CDH12: variants seen among roughly 807,000 people sequenced by gnomAD.
The protein encoded by CDH12 is cadherin 12.
CDH12 carries 41 observed loss-of-function variants against 74.1 expected under a neutral mutation model. That is an observed-to-expected ratio of 0.55 (90% CI 0.43 to 0.72). The LOEUF (loss-of-function observed/expected upper bound fraction) is 0.72, where lower values mean the gene tolerates loss of function less well. Ranked by LOEUF, CDH12 falls within the 30% of genes least tolerant of loss-of-function variation. The pLI is 0.00. For missense variants in CDH12, 945 were observed against 977.2 expected (o/e 0.97, Z 0.44); for synonymous variants, 399 against 355.0 (o/e 1.12, Z -1.39).
Position 22,438,164 on chromosome 5 carries a change from G to A in CDH12, c.-427-32813C>T, listed in dbSNP as rs1744482793. ...TTACTTCTCCCAGGAAGTGTTTCCA[G>A]AAACATGAGGCCTGGTTAAGTTCCC... is the stretch of plus-strand genomic sequence containing the variant. On this transcript the variant is annotated intron_variant, in intron 2 of 14. Coordinates refer to ENST00000382254, the MANE Select transcript of CDH12 (RefSeq NM_004061.5). Among the ~76,000 whole-genome samples, 3 of 151,988 alleles carry A rather than the reference G, an allele frequency of 2.0e-5. No homozygotes were observed. The South Asian group carries it at 6.2e-4, about 31-fold the overall frequency.
At chr5:22,459,131 T>A (rs932273040) in intron 2 of CDH12, among the ~76,000 whole-genome samples, 4 of 152,300 alleles carry the variant, frequency 2.6e-5, no homozygotes, top group African/African-American at 9.6e-5. Flanking sequence ...TACTCTGTTG[T>A]AATTGAAAAA....
intron 9 of CDH12, among the ~76,000 whole-genome samples, chr5:21,808,757 G>A (rs993467185): frequency 3.9e-5 from 6 of 152,018 alleles, no homozygotes; most frequent in Admixed American, 1.3e-4. Flanking sequence ...GGGAAGAGAC[G>A]TGGGAGAGTT....
chr5:22,101,633 G>C (rs1452819429), intron 4 of CDH12, among the ~76,000 whole-genome samples: 1 of 152,010 alleles, frequency 6.6e-6, no homozygotes, highest in African/African-American at 2.4e-5. Context: ...AAAATTAAAA[G>C]AAAACTCAAA....
At chr5:22,069,086 C>T (rs1741763034) in intron 5 of CDH12, among the ~76,000 whole-genome samples, 1 of 152,176 alleles carries the variant, frequency 6.6e-6, no homozygotes, top group Admixed American at 6.5e-5. Context: ...TCCTTCCAAG[C>T]ATATAATGCT....
intron 1 of CDH12, among the ~76,000 whole-genome samples, chr5:22,834,991 C>G (rs1736762389): frequency 6.6e-6 from 1 of 151,938 alleles, no homozygotes; most frequent in African/African-American, 2.4e-5. Context: ...AGCATTTTAG[C>G]AAATAAAAAC....
chr5:22,050,896 T>C (rs999985059), intron 5 of CDH12, among the ~76,000 whole-genome samples: 2 of 152,120 alleles, frequency 1.3e-5, no homozygotes, highest in Non-Finnish European at 2.9e-5. Context: ...TAAAATGCAA[T>C]ATTACTACCA....
intron 6 of CDH12, among the ~76,000 whole-genome samples, chr5:21,915,738 T>C (rs1417563511): frequency 1.3e-5 from 2 of 151,848 alleles, no homozygotes. Context: ...AGGGAGGTCA[T>C]GCTCAAGAAA....
intron 1 of CDH12, among the ~76,000 whole-genome samples, chr5:22,666,344 C>T (rs1475698687): frequency 7.4e-6 from 1 of 134,906 alleles, no homozygotes; most frequent in Non-Finnish European, 1.5e-5. Flanking sequence ...GGCTGGAGTG[C>T]AGTGGCACGA....
At chr5:21,909,907 C>T (rs947600213) in intron 6 of CDH12, among the ~76,000 whole-genome samples, 1 of 152,152 alleles carries the variant, frequency 6.6e-6, no homozygotes, top group Non-Finnish European at 1.5e-5. Flanking sequence ...ATATCTGTAC[C>T]TGTAACCCAT....
chr5:22,121,383 C>T (rs569234435), intron 4 of CDH12, among the ~76,000 whole-genome samples: 45 of 152,282 alleles, frequency 3.0e-4, no homozygotes, highest in African/African-American at 1.0e-3. Context: ...CAAAGCTACC[C>T]AGCACCGACT....
intron 5 of CDH12, among the ~76,000 whole-genome samples, chr5:22,065,058 T>A (rs1052524515): frequency 1.3e-5 from 2 of 152,140 alleles, no homozygotes; most frequent in Admixed American, 1.3e-4. Flanking sequence ...TCTTCTTAAC[T>A]CCATCTTGGG....
At position 21,993,596 on chromosome 5, in the gene CDH12, AAAGG is replaced by A. The variant is rs200867988; in HGVS notation, c.232-18215_232-18212del. On this transcript the variant is annotated intron_variant, in intron 5 of 14. Coordinates refer to ENST00000382254, the MANE Select transcript of CDH12 (RefSeq NM_004061.5). ...ACCCCAGCTCACAGCTGGCAGTAACAAAGGAAACCTCAATCTTAAGAGAGCAAGG... is the reference window on the plus strand; with the variant it reads ...ACCCCAGCTCACAGCTGGCAGTAACAAAACCTCAATCTTAAGAGAGCAAGG... 8.0e-3 allele frequency among the ~76,000 whole-genome samples: 1,211 copies of A among 152,298 alleles called. 13 individuals carry two copies. The highest frequency in any genetic ancestry group is 0.027 in the African/African-American group (1,137 of 41,548).
intron 3 of CDH12, among the ~76,000 whole-genome samples, chr5:22,214,121 A>C (rs906269949): frequency 7.2e-5 from 11 of 152,092 alleles, no homozygotes; most frequent in Non-Finnish European, 4.4e-5. Flanking sequence ...TCTCATTAAA[A>C]TACAAGCTCT....
At chr5:21,789,162 T>C (rs956752247) in intron 10 of CDH12, among the ~76,000 whole-genome samples, 1 of 152,174 alleles carries the variant, frequency 6.6e-6, no homozygotes, top group Non-Finnish European at 1.5e-5. Flanking sequence ...GTGATAATTG[T>C]ATGTATTATA....
At chr5:22,673,573 T>C (rs1741014335) in intron 1 of CDH12, among the ~76,000 whole-genome samples, 1 of 152,132 alleles carries the variant, frequency 6.6e-6, no homozygotes, top group Non-Finnish European at 1.5e-5. Flanking sequence ...CAATAATAGG[T>C]CTTGCATAGT....
intron 3 of CDH12, among the ~76,000 whole-genome samples, chr5:22,232,539 G>A (rs1374873714): frequency 6.6e-6 from 1 of 151,720 alleles, no homozygotes; most frequent in East Asian, 1.9e-4. Flanking sequence ...GGTGTCAAAA[G>A]AGTAGTTATT....
chr5:22,592,406 C>A (rs1050536101), intron 1 of CDH12, among the ~76,000 whole-genome samples: 2 of 152,120 alleles, frequency 1.3e-5, no homozygotes, highest in Non-Finnish European at 2.9e-5. Context: ...GGTGAAACTA[C>A]CCCCATCTAT....
intron 1 of CDH12, among the ~76,000 whole-genome samples, chr5:22,607,970 A>T (rs1391676250): frequency 2.6e-5 from 4 of 152,226 alleles, no homozygotes; most frequent in Non-Finnish European, 5.9e-5. Flanking sequence ...GCAAGGGAAG[A>T]GCCCTCATGG....
intron 8 of CDH12, among the ~76,000 whole-genome samples, chr5:21,832,159 T>A (rs1040453487): frequency 2.0e-5 from 3 of 152,160 alleles, no homozygotes; most frequent in Admixed American, 2.0e-4. Flanking sequence ...TTTGCTCATA[T>A]GCTAGGTTCT....
Sources: gnomAD v4.1 joint callset for allele counts (sites outside exome capture counted in the v4.1 genomes callset) on GRCh38, gnomAD v4.1.1 for gene constraint, MANE v1.5 for transcripts, NCBI Gene and HGNC (gene_info 2026-07-23, HGNC 2026-07-21) for gene names.